ATP1A4: variants seen among roughly 807,000 people sequenced by gnomAD.
ATP1A4 encodes ATPase Na+/K+ transporting subunit alpha 4.
A neutral mutation model predicts 114.3 loss-of-function variants in ATP1A4; 90 were observed. That is an observed-to-expected ratio of 0.79 (90% CI 0.66 to 0.94). ATP1A4 has a LOEUF of 0.94. Ranked by LOEUF, ATP1A4 falls within the 40% of genes least tolerant of loss-of-function variation. The pLI is 0.00. For synonymous variants in ATP1A4, 511 were observed against 494.1 expected, an observed-to-expected ratio of 1.03 and a Z score of -0.45; for missense variants, 1,222 against 1,313.6, an observed-to-expected ratio of 0.93 and a Z score of 1.08.
In ATP1A4 at chr1:160,152,260, C is replaced by T. The variant is rs192483738; in HGVS notation, c.147+73C>T. On this transcript the variant is annotated intron_variant, in intron 1 of 21. Coordinates refer to ENST00000368081, the MANE Select transcript of ATP1A4 (RefSeq NM_144699.4). Reference sequence around the variant, plus strand: ...CCTCCACCTATCTTTAACATCTTACCTTGAGAATGAAACACACAGGCCAGA... The same window carrying T: ...CCTCCACCTATCTTTAACATCTTACTTTGAGAATGAAACACACAGGCCAGA... The T allele has an allele frequency of 7.9e-4, 1,203 of 1,525,214 alleles. 8 individuals carry two copies. The African/African-American group carries it at 0.015, about 19-fold the overall frequency. 94.5% of individuals were successfully genotyped at this position (1,525,214 alleles called of 1,614,324 possible). A position where few individuals can be genotyped will look rare whatever the true frequency, so the allele number is the denominator to read the frequency against.
At position 160,151,894 on chromosome 1, in the gene ATP1A4, T is replaced by A; in HGVS notation, c.-147T>A. On this transcript the variant is annotated 5_prime_UTR_variant, in exon 1 of 22. Coordinates refer to ENST00000368081, the MANE Select transcript of ATP1A4 (RefSeq NM_144699.4). ...CTTCACCACCCAACACCTCCCTCCC[T>A]GCCTCTTTCTTTCTGCTCCCTCATT... 1 of 864,386 alleles carries A rather than the reference T, an allele frequency of 1.2e-6. No homozygotes were observed. The highest frequency in any genetic ancestry group is 1.7e-6 in the Non-Finnish European group (1 of 581,126). The allele number at this position is 864,386 out of a possible 1,614,324, so 53.5% of individuals were successfully genotyped here. A position where few individuals can be genotyped will look rare whatever the true frequency, so the allele number is the denominator to read the frequency against.
rs971886964 is a variant in ATP1A4 at position 160,165,738 on chromosome 1, G to A, written c.1048-790G>A. ...AGATCACGCCACAGAATGAGACTCC[G>A]TCTCGAGAAAAAAAAAGAACTATTG... On this transcript the variant is annotated intron_variant, in intron 7 of 21. Transcript: ENST00000368081. 5.9e-5 allele frequency among the ~76,000 whole-genome samples: 9 copies of A among 151,970 alleles called. No individual in the cohort carries two copies. The East Asian group carries it at 1.2e-3, about 20-fold the overall frequency.
intron 2 of ATP1A4, among the ~76,000 whole-genome samples, chr1:160,154,415 C>T (rs573132542): frequency 6.6e-6 from 1 of 152,146 alleles, no homozygotes; most frequent in Non-Finnish European, 1.5e-5. Context: ...TTATGGTATA[C>T]ATGTATTATT....
At chr1:160,175,962 G>C in intron 15 of ATP1A4, 130 bp from the exon 16 acceptor site, 1 of 851,308 alleles carries the variant, frequency 1.2e-6, no homozygotes. Context: ...TGGGACCCTG[G>C]AGGTCTAGGA....
Position 160,166,653 on chromosome 1 carries a change from G to A in ATP1A4, c.1173G>A (p.Gln391=), listed in dbSNP as rs201282661. 103 of 1,614,196 alleles carry A rather than the reference G, an allele frequency of 6.4e-5. 1 individual carries two copies. In the East Asian group the frequency reaches 2.3e-3, roughly 36 times the overall value. The change falls in exon 8 of 22, where the codon CAG becomes CAA. Residue 391 remains glutamine (Q), a synonymous_variant. Coordinates refer to ENST00000368081, the MANE Select transcript of ATP1A4 (RefSeq NM_144699.4). The part of the protein sequence containing the change: ...ICSDKTGTLT[Q]NRMTVAHMWF... ...CAGACAAGACGGGCACCCTCACCCA[G>A]AACCGCATGACCGTCGCCCACATGT... is the stretch of plus-strand genomic sequence containing the variant.
intron 18 of ATP1A4, among the ~76,000 whole-genome samples, chr1:160,178,943 A>G (rs1313115614): frequency 1.3e-5 from 2 of 152,244 alleles, no homozygotes; most frequent in Non-Finnish European, 2.9e-5. Context: ...CTAGAATTGT[A>G]GCGTCATAGA....
At chr1:160,168,143 C>A (rs1000450161) in intron 10 of ATP1A4, among the ~76,000 whole-genome samples, 2 of 152,174 alleles carry the variant, frequency 1.3e-5, no homozygotes, top group African/African-American at 2.4e-5. Flanking sequence ...AAGAGTCTTT[C>A]TCTCCAAAGT....
At position 160,159,394 on chromosome 1, in the gene ATP1A4, C is replaced by G. The variant is rs780274423; in HGVS notation, c.661-15C>G. The G allele has an allele frequency of 1.9e-6, 3 of 1,596,784 alleles. No homozygotes were observed. The Admixed American group carries it at 5.3e-5, about 28-fold the overall frequency. The stretch of plus-strand genomic sequence containing the variant: ...CCTATGCTCACCTTACAACGCGTCC[C>G]CTCTCCCATCCCAGGTGGACAACTC... On this transcript the variant is annotated splice_polypyrimidine_tract_variant and intron_variant, in intron 5 of 21. Coordinates refer to ENST00000368081, the MANE Select transcript of ATP1A4 (RefSeq NM_144699.4).
intron 2 of ATP1A4, among the ~76,000 whole-genome samples, chr1:160,154,329 T>A (rs1375211315): frequency 1.3e-5 from 2 of 151,836 alleles, no homozygotes; most frequent in Non-Finnish European, 2.9e-5. Flanking sequence ...GCCGAGATCA[T>A]GCCACTGCAC....
Position 160,166,635 on chromosome 1 carries a change from G to C in ATP1A4, c.1155G>C (p.Lys385Asn), listed in dbSNP as rs1453822542. 6.2e-7 allele frequency: 1 copy of C among 1,614,230 alleles called. No homozygotes were observed. Among genetic ancestry groups the C allele is most frequent in the Admixed American group, 1.7e-5 (1 of 60,024 alleles). ...LGSTSTICSD[K>N]TGTLTQNRMT... is the part of the protein sequence containing the mutation. ...CCACGTCCACCATCTGCTCAGACAA[G>C]ACGGGCACCCTCACCCAGAACCGCA... Residue 385 changes from lysine to asparagine, a missense_variant, in exon 8 of 22, where the codon AAG (lysine) becomes AAC (asparagine). Lys to Asn is a moderately conservative substitution (Grantham distance 94). Coordinates refer to ENST00000368081, the MANE Select transcript of ATP1A4 (RefSeq NM_144699.4).
chr1:160,160,194 G>T (rs532604270), intron 6 of ATP1A4, among the ~76,000 whole-genome samples: 1 of 152,098 alleles, frequency 6.6e-6, no homozygotes, highest in Admixed American at 6.5e-5. Flanking sequence ...CAAATGTTTG[G>T]TTATCTAAAA....
At position 160,171,451 on chromosome 1, in the gene ATP1A4, T is replaced by G. The variant is rs753568341; in HGVS notation, c.1681+11T>G. The G allele has an allele frequency of 3.6e-5, 58 of 1,610,748 alleles. No individual in the cohort carries two copies. Among genetic ancestry groups the G allele is most frequent in the Non-Finnish European group, 4.5e-5 (53 of 1,177,900 alleles). On this transcript the variant is annotated intron_variant, in intron 11 of 21. Transcript: ENST00000368081. ...GGGAACGTGTGCTAGGTGAGGAGCTTTGGGAGAAGTTTTTAAAAGAATGGC... is the reference window on the plus strand; with the variant it reads ...GGGAACGTGTGCTAGGTGAGGAGCTGTGGGAGAAGTTTTTAAAAGAATGGC...
At chr1:160,162,808 A>G (rs1242900046) in intron 6 of ATP1A4, among the ~76,000 whole-genome samples, 4 of 152,180 alleles carry the variant, frequency 2.6e-5, no homozygotes, top group African/African-American at 7.2e-5. Flanking sequence ...GGTAACCACT[A>G]TTCCTGGGAT....
chr1:160,161,628 T>G (rs1313726111), intron 6 of ATP1A4, among the ~76,000 whole-genome samples: 2 of 152,056 alleles, frequency 1.3e-5, no homozygotes, highest in African/African-American at 4.8e-5. Context: ...CTACCCACCC[T>G]CCTCCACCCG....
intron 5 of ATP1A4, 117 bp from the exon 6 acceptor site, chr1:160,159,292 T>G: frequency 2.2e-6 from 3 of 1,349,898 alleles, no homozygotes; most frequent in Non-Finnish European, 3.1e-6. Flanking sequence ...TGTAAATTTG[T>G]TTCTCTCAGT....
intron 20 of ATP1A4, among the ~76,000 whole-genome samples, chr1:160,185,275 G>A (rs1241341535): frequency 1.3e-5 from 2 of 151,948 alleles, no homozygotes; most frequent in Non-Finnish European, 2.9e-5. Flanking sequence ...ACCATGCCCC[G>A]CTAATTTTTG....
chr1:160,180,130 T>A (rs116520794), intron 18 of ATP1A4, among the ~76,000 whole-genome samples: 3,397 of 152,228 alleles, frequency 0.022, 47 homozygotes, highest in Non-Finnish European at 0.036. Flanking sequence ...GGAGTAACAG[T>A]GTCAGAAGCT....
intron 4 of ATP1A4, among the ~76,000 whole-genome samples, chr1:160,158,264 G>C (rs1410056758): frequency 6.6e-6 from 1 of 152,216 alleles, no homozygotes; most frequent in African/African-American, 2.4e-5. Flanking sequence ...GACTGGGACA[G>C]CTGGGGCCTT....
intron 6 of ATP1A4, among the ~76,000 whole-genome samples, chr1:160,161,436 G>A (rs1419461536): frequency 6.6e-6 from 1 of 152,182 alleles, no homozygotes; most frequent in Non-Finnish European, 1.5e-5. Flanking sequence ...GGCCTGGGGT[G>A]CTGGATGCTT....
Sources: gnomAD v4.1 joint callset for allele counts (sites outside exome capture counted in the v4.1 genomes callset) on GRCh38, gnomAD v4.1.1 for gene constraint, MANE v1.5 for transcripts, NCBI Gene and HGNC (gene_info 2026-07-23, HGNC 2026-07-21) for gene names.